Variants in LIN54 observed in about 807,000 individuals in gnomAD.
The protein encoded by LIN54 is lin-54 DREAM MuvB core complex component.
LIN54 carries 9 observed loss-of-function variants against 78.7 expected under a neutral mutation model. The observed-to-expected ratio is 0.11, with a 90% confidence interval of 0.07 to 0.20. The LOEUF (loss-of-function observed/expected upper bound fraction) is 0.20, where lower values mean the gene tolerates loss of function less well. Ranked by LOEUF, LIN54 falls within the 10% of genes least tolerant of loss-of-function variation. LIN54 has a pLI of 1.00. For missense variants in LIN54, 573 were observed against 889.9 expected (o/e 0.64, Z 4.53); for synonymous variants, 269 against 318.4 (o/e 0.84, Z 1.65).
chr4:83,000,578 G>A (rs1336615499), intron 1 of LIN54, among the ~76,000 whole-genome samples: 3 of 152,148 alleles, frequency 2.0e-5, no homozygotes, highest in Non-Finnish European at 2.9e-5. Flanking sequence ...CAGCCACTCA[G>A]AACCCCATGT....
chr4:82,947,972 A>G (rs1723540979), intron 4 of LIN54, among the ~76,000 whole-genome samples: 1 of 152,216 alleles, frequency 6.6e-6, no homozygotes, highest in Non-Finnish European at 1.5e-5. Context: ...AAACATTATA[A>G]AAGACATTAC....
At chr4:82,966,533 GA>G (rs540995511) in intron 4 of LIN54, among the ~76,000 whole-genome samples, 28 of 150,542 alleles carry the variant, frequency 1.9e-4, no homozygotes, top group South Asian at 4.2e-4. Context: ...AGTGAGGGGG[GA>G]AAAAAAACCA....
chr4:82,986,065 T>C (rs1166372040), intron 1 of LIN54, among the ~76,000 whole-genome samples: 2 of 152,200 alleles, frequency 1.3e-5, no homozygotes, highest in African/African-American at 2.4e-5. Context: ...AGTGAGTTAT[T>C]TGCCCAGAGA....
intron 2 of LIN54, 58 bp downstream of exon 2, chr4:82,984,103 A>G (rs1726913424): frequency 8.4e-7 from 1 of 1,183,482 alleles, no homozygotes; most frequent in Non-Finnish European, 1.2e-6. Flanking sequence ...ACAACTATGA[A>G]TCAGTTAAAT....
chr4:82,979,017 T>A lies in LIN54; in HGVS notation c.685-11A>T. On this transcript the variant is annotated splice_polypyrimidine_tract_variant and intron_variant, in intron 2 of 12. Coordinates refer to ENST00000340417, the MANE Select transcript of LIN54 (RefSeq NM_194282.4). ...AGGCTTCTTAGCAATCTGAAACATATAAATAACTATGAAGACCATCTGTTT... is the reference window on the plus strand; with the variant it reads ...AGGCTTCTTAGCAATCTGAAACATAAAAATAACTATGAAGACCATCTGTTT... 1 of 1,556,302 alleles carries A rather than the reference T, an allele frequency of 6.4e-7. No homozygotes were observed. The highest frequency in any genetic ancestry group is 8.8e-7 in the Non-Finnish European group (1 of 1,141,320).
intron 3 of LIN54, among the ~76,000 whole-genome samples, chr4:82,975,156 A>C (rs1363394357): frequency 6.6e-6 from 1 of 151,872 alleles, no homozygotes; most frequent in African/African-American, 2.4e-5. Flanking sequence ...TCATAAGTTC[A>C]AGACCAGCCT....
intron 1 of LIN54, 129 bp downstream of exon 1, chr4:83,010,352 GCTA>G (rs1284441694): frequency 3.6e-5 from 11 of 306,818 alleles, no homozygotes; most frequent in Non-Finnish European, 5.4e-5. Context: ...TCATGACGAG[GCTA>G]CTGATTCTTC....
intron 11 of LIN54, among the ~76,000 whole-genome samples, chr4:82,932,387 C>T (rs1373960121): frequency 6.0e-5 from 9 of 151,142 alleles, no homozygotes; most frequent in East Asian, 2.0e-4. Flanking sequence ...TGAGCCACCG[C>T]GCCTGGCCTG....
chr4:82,993,808 G>C (rs182817952), intron 1 of LIN54, among the ~76,000 whole-genome samples: 3 of 152,054 alleles, frequency 2.0e-5, no homozygotes, highest in Non-Finnish European at 4.4e-5. Context: ...CAGAGATGGG[G>C]TTGCACCATG....
chr4:82,978,877 T>G lies in LIN54; in HGVS notation c.808+6A>C, dbSNP rs1045764975. On this transcript the variant is annotated splice_donor_region_variant and intron_variant, in intron 3 of 12. Transcript: ENST00000340417. The stretch of plus-strand genomic sequence containing the variant: ...TTTAGCTTAATAAACTATAAAGAAA[T>G]ATAACCTGCAATAACTGGTGGTGAA... The G allele has an allele frequency of 1.3e-6, 2 of 1,504,152 alleles. No individual in the cohort carries two copies. Among genetic ancestry groups the G allele is most frequent in the Admixed American group, 3.5e-5 (2 of 57,834 alleles). The allele number at this position is 1,504,152 out of a possible 1,614,324, so 93.2% of individuals were successfully genotyped here. A position where few individuals can be genotyped will look rare whatever the true frequency, so the allele number is the denominator to read the frequency against.
At chr4:82,933,278 T>C (rs529610436) in intron 11 of LIN54, among the ~76,000 whole-genome samples, 1 of 150,758 alleles carries the variant, frequency 6.6e-6, no homozygotes, top group Admixed American at 6.6e-5. Context: ...ATTATCTTTA[T>C]ATTTTAAGAA....
chr4:82,939,043 T>G (rs142597658), intron 7 of LIN54, among the ~76,000 whole-genome samples: 1 of 152,338 alleles, frequency 6.6e-6, no homozygotes, highest in Admixed American at 6.5e-5. Flanking sequence ...AAAGTACACG[T>G]GTGGGTTTGT....
Position 82,942,878 on chromosome 4 carries a change from A to G in LIN54, c.1169-2916T>C, listed in dbSNP as rs546948485. On this transcript the variant is annotated intron_variant, in intron 5 of 12. Transcript: ENST00000340417. ...TGCGCGCGCACACACACACACACAC[A>G]CACACACACACACACCCTCCCTCCC... Among the ~76,000 whole-genome samples the G allele has an allele frequency of 8.4e-4, 127 of 151,446 alleles. No homozygotes were observed. The East Asian group carries it at 0.019, about 23-fold the overall frequency.
intron 4 of LIN54, among the ~76,000 whole-genome samples, chr4:82,961,436 G>C (rs754473496): frequency 2.0e-5 from 3 of 152,106 alleles, no homozygotes; most frequent in Non-Finnish European, 4.4e-5. Context: ...TGGCAGTCAA[G>C]TACATTCTTC....
intron 4 of LIN54, among the ~76,000 whole-genome samples, chr4:82,969,164 A>G (rs146219456): frequency 2.2e-4 from 33 of 152,294 alleles, no homozygotes; most frequent in African/African-American, 7.9e-4. Flanking sequence ...ACCTTTATGT[A>G]AAGTATCACC....
intron 1 of LIN54, among the ~76,000 whole-genome samples, chr4:82,994,026 C>T (rs1221303792): frequency 2.0e-5 from 3 of 152,126 alleles, no homozygotes; most frequent in African/African-American, 7.2e-5. Flanking sequence ...AGTCTGTCAA[C>T]TCCTGGTTTA....
intron 5 of LIN54, among the ~76,000 whole-genome samples, chr4:82,941,149 G>GAGATATAT (rs1553947749): frequency 7.6e-6 from 1 of 131,140 alleles, no homozygotes; most frequent in African/African-American, 3.1e-5. Flanking sequence ...GAGTTAAGAG[G>GAGATATAT]ATATATATAT....
At chr4:82,971,008 T>C (rs1215812687) in intron 3 of LIN54, among the ~76,000 whole-genome samples, 1 of 152,152 alleles carries the variant, frequency 6.6e-6, no homozygotes, top group Non-Finnish European at 1.5e-5. Flanking sequence ...CCCGGCCAGA[T>C]TCCATATTGT....
intron 6 of LIN54, 49 bp from the exon 7 acceptor site, chr4:82,939,785 T>C: frequency 3.7e-6 from 6 of 1,602,692 alleles, no homozygotes; most frequent in Middle Eastern, 1.7e-4. Flanking sequence ...ATTTTACAGC[T>C]GTTCAATTCA....
Sources: gnomAD v4.1 joint callset for allele counts (sites outside exome capture counted in the v4.1 genomes callset) on GRCh38, gnomAD v4.1.1 for gene constraint, MANE v1.5 for transcripts, NCBI Gene and HGNC (gene_info 2026-07-23, HGNC 2026-07-21) for gene names.